Variants in SPDEF observed in about 807,000 individuals in gnomAD.
SPDEF encodes the protein SAM pointed domain-containing Ets transcription factor.
In SPDEF, 12 loss-of-function variants were observed where a neutral mutation model predicts 36.0. The ratio of observed to expected loss-of-function variants is 0.33; its 90% CI spans 0.21 to 0.54. SPDEF has a LOEUF of 0.54. Ranked by LOEUF, SPDEF falls within the 20% of genes least tolerant of loss-of-function variation. The pLI is 0.93. For missense variants in SPDEF, 388 were observed against 456.9 expected, an observed-to-expected ratio of 0.85 and a Z score of 1.37; for synonymous variants, 205 against 193.0, an observed-to-expected ratio of 1.06 and a Z score of -0.51.
At chr6:34,547,913 G>A (rs554899471) in intron 1 of SPDEF, among the ~76,000 whole-genome samples, 9 of 152,144 alleles carry the variant, frequency 5.9e-5, no homozygotes, top group Non-Finnish European at 1.2e-4. Flanking sequence ...GGAAAGGTTC[G>A]ACTCTCTGCA....
chr6:34,546,080 G>A (rs1396976763), intron 1 of SPDEF, among the ~76,000 whole-genome samples: 1 of 152,130 alleles, frequency 6.6e-6, no homozygotes, highest in African/African-American at 2.4e-5. Context: ...TTTCTCGAGG[G>A]TTATTTATAG....
intron 1 of SPDEF, among the ~76,000 whole-genome samples, chr6:34,551,536 C>T (rs1382294365): frequency 6.6e-6 from 1 of 152,208 alleles, no homozygotes; most frequent in African/African-American, 2.4e-5. Context: ...TTTTACGATC[C>T]ATGACCCTCA....
At position 34,555,899 on chromosome 6, in the gene SPDEF, C is replaced by G. The variant is rs1024872070; in HGVS notation, c.-30+30G>C. On this transcript the variant is annotated intron_variant, in intron 1 of 5. Transcript: ENST00000374037. This position sits in a 1 kb window ranked among gnomAD's most constrained non-coding sequence, Gnocchi z 5.2. ...CAGCTGGCAGGGAAAGACCCCATGCCAGGGTACCCCCACCTCCTGTTGGAC... is the reference window on the plus strand; with the variant it reads ...CAGCTGGCAGGGAAAGACCCCATGCGAGGGTACCCCCACCTCCTGTTGGAC... 1 of 152,720 alleles carries G rather than the reference C, an allele frequency of 6.5e-6. No individual in the cohort carries two copies. Among genetic ancestry groups the G allele is most frequent in the African/African-American group, 2.4e-5 (1 of 41,432 alleles). The allele number at this position is 152,720 out of a possible 1,614,324, so 9.5% of individuals were successfully genotyped here. A position where few individuals can be genotyped will look rare whatever the true frequency, so the allele number is the denominator to read the frequency against.
chr6:34,550,350 A>G (rs1039699025), intron 1 of SPDEF, among the ~76,000 whole-genome samples: 1 of 152,198 alleles, frequency 6.6e-6, no homozygotes, highest in East Asian at 1.9e-4. Context: ...TGCCCAGAGC[A>G]CCACTTCTGC....
chr6:34,545,736 C>T (rs1033112253), intron 1 of SPDEF, among the ~76,000 whole-genome samples: 1 of 152,098 alleles, frequency 6.6e-6, no homozygotes, highest in Admixed American at 6.5e-5. Flanking sequence ...ATGGTGAAAC[C>T]CTGTCCCTAC....
chr6:34,550,524 G>A (rs1768037712), intron 1 of SPDEF, among the ~76,000 whole-genome samples: 1 of 152,212 alleles, frequency 6.6e-6, no homozygotes, highest in African/African-American at 2.4e-5. Flanking sequence ...GACTGAGTGA[G>A]AGAGATCTTG....
In SPDEF at chr6:34,555,307, G is replaced by A. The variant is rs904705526; in HGVS notation, c.-30+622C>T. 1.3e-5 allele frequency among the ~76,000 whole-genome samples: 2 copies of A among 151,992 alleles called. No individual in the cohort carries two copies. Among genetic ancestry groups the A allele is most frequent in the Non-Finnish European group, 2.9e-5 (2 of 67,984 alleles). On this transcript the variant is annotated intron_variant, in intron 1 of 5. Coordinates refer to ENST00000374037, the MANE Select transcript of SPDEF (RefSeq NM_012391.3). This position sits in a 1 kb window ranked among gnomAD's most constrained non-coding sequence, Gnocchi z 5.2. ...TGCTTTCCTTGTGTGCCAAGACCAG[G>A]ACCCAAGGCTCTCAGCTTCCCCCAG... is the stretch of plus-strand genomic sequence containing the variant.
chr6:34,543,948 CCGACCCACCCCAG>C, intron 2 of SPDEF, 59 bp downstream of exon 2: 1 of 1,509,352 alleles, frequency 6.6e-7, no homozygotes, highest in Non-Finnish European at 9.0e-7. Context: ...CAGCAGTGCC[CCGACCCACCCCAG>C]CGACCTCAGC....
chr6:34,554,167 CT>C (rs1302113757), intron 1 of SPDEF, among the ~76,000 whole-genome samples: 2 of 151,940 alleles, frequency 1.3e-5, no homozygotes, highest in Non-Finnish European at 2.9e-5. Flanking sequence ...CTGTGTCCCC[CT>C]GTCAGACTAA....
intron 1 of SPDEF, among the ~76,000 whole-genome samples, chr6:34,545,924 C>A (rs892875573): frequency 1.9e-4 from 28 of 150,788 alleles, no homozygotes; most frequent in Non-Finnish European, 2.5e-4. Context: ...AAAAAAAAAA[C>A]AAAACACACG....
chr6:34,542,093 G>A (rs1449578188), intron 2 of SPDEF, among the ~76,000 whole-genome samples: 2 of 152,224 alleles, frequency 1.3e-5, no homozygotes, highest in African/African-American at 4.8e-5. Flanking sequence ...GGAGGTCTGT[G>A]GGAGAACTCC....
At chr6:34,550,994 C>T (rs1450704362) in intron 1 of SPDEF, among the ~76,000 whole-genome samples, 1 of 152,244 alleles carries the variant, frequency 6.6e-6, no homozygotes, top group African/African-American at 2.4e-5. Context: ...GAAGGTCAAA[C>T]TGAATAAACT....
chr6:34,543,215 AAAAAAGAAG>A (rs1767865159), intron 2 of SPDEF, among the ~76,000 whole-genome samples: 1 of 134,396 alleles, frequency 7.4e-6, no homozygotes. Context: ...AAAAAAAAAA[AAAAAAGAAG>A]AAAAAGAAAA....
intron 1 of SPDEF, among the ~76,000 whole-genome samples, chr6:34,548,449 T>G (rs1767997236): frequency 6.6e-6 from 1 of 152,074 alleles, no homozygotes; most frequent in Non-Finnish European, 1.5e-5. Flanking sequence ...TGCTCAAGAA[T>G]CTCCCATGGC....
intron 2 of SPDEF, among the ~76,000 whole-genome samples, chr6:34,541,771 G>C (rs1346204606): frequency 2.0e-5 from 3 of 152,252 alleles, no homozygotes; most frequent in Non-Finnish European, 4.4e-5. Flanking sequence ...CAGGGCACAG[G>C]GTGGCCATGG....
Position 34,544,409 on chromosome 6 carries a change from A to G in SPDEF, c.47T>C (p.Leu16Pro). Residue 16 changes from leucine (L) to proline (P), a missense_variant, in exon 2 of 6, where the codon CTC becomes CCC. Leu to Pro is a moderately conservative substitution (Grantham distance 98). Around this residue, in one of 2 missense-constraint regions of SPDEF, gnomAD observed 308 missense variants for 326.1 expected, o/e 0.94. Coordinates refer to ENST00000374037, the MANE Select transcript of SPDEF (RefSeq NM_012391.3). The surrounding 1 kb of genome is among the most constrained non-coding windows in gnomAD (Gnocchi z 4.4). ...CGACACCGTGTCGGGGGGCAGCAGG[A>G]GGTGGCTGGGGGATACGCTGCTCAG... ...PGLSSVSPSH[L>P]LLPPDTVSRT... 1.3e-6 allele frequency: 2 copies of G among 1,587,758 alleles called. No individual in the cohort carries two copies.
chr6:34,547,722 A>T (rs895305636), intron 1 of SPDEF, among the ~76,000 whole-genome samples: 3 of 152,138 alleles, frequency 2.0e-5, no homozygotes, highest in African/African-American at 4.8e-5. Context: ...GCAGAGAGGT[A>T]AATCCCCAAA....
rs145597777 is a variant in SPDEF at position 34,552,227 on chromosome 6, G to A, written c.-30+3702C>T. On this transcript the variant is annotated intron_variant, in intron 1 of 5. Transcript: ENST00000374037. This position sits in a 1 kb window ranked among gnomAD's most constrained non-coding sequence, Gnocchi z 4.6. ...ACCCTCCTCCAGCCCCGCATACGCCGTACCTCCCAGCTTGCCACAGGACAG... is the reference window on the plus strand; with the variant it reads ...ACCCTCCTCCAGCCCCGCATACGCCATACCTCCCAGCTTGCCACAGGACAG... Among the ~76,000 whole-genome samples the A allele has an allele frequency of 1.2e-3, 182 of 152,194 alleles. 2 individuals are homozygous for A. The South Asian group carries it at 0.012, about 10-fold the overall frequency.
In SPDEF at chr6:34,556,131, C is replaced by G. The variant is rs2127295932; in HGVS notation, c.-232G>C. 1 of 152,328 alleles carries G rather than the reference C, an allele frequency of 6.6e-6. No homozygotes were observed. The highest frequency in any genetic ancestry group is 1.5e-5 in the Non-Finnish European group (1 of 68,034). The allele number at this position is 152,328 out of a possible 1,614,324, so 9.4% of individuals were successfully genotyped here. ...CTGGCCACCCTCAAGGGGTGGCCCT[C>G]TGAGGTCTCAGGGCTGCGTGCCTGT... On this transcript the variant is annotated 5_prime_UTR_variant, in exon 1 of 6. Transcript: ENST00000374037.
Sources: allele counts gnomAD v4.1 joint callset (sites outside exome capture counted in the v4.1 genomes callset), GRCh38; gene constraint gnomAD v4.1.1; regional missense constraint gnomAD v4.1.1; non-coding constraint Gnocchi (gnomAD v3.1); transcripts MANE v1.5; gene names NCBI Gene and HGNC (gene_info 2026-07-23, HGNC 2026-07-21).